The following ANKRD44 variants were observed in gnomAD, a reference collection of about 807,000 sequenced individuals.
ANKRD44 encodes ankyrin repeat domain 44.
ANKRD44 carries 35 observed loss-of-function variants against 116.0 expected under a neutral mutation model. The observed-to-expected ratio is 0.30, with a 90% CI of 0.23 to 0.40. The LOEUF is 0.40. ANKRD44 is among the 10% of genes least tolerant of loss of function. The probability of loss-of-function intolerance (pLI) is 1.00; values close to 1 mark genes in which losing one functional copy is unlikely to be tolerated. For synonymous variants in ANKRD44, 435 were observed against 461.8 expected (o/e 0.94, Z 0.74); for missense variants, 1,014 against 1,242.6 (o/e 0.82, Z 2.77).
At position 197,005,833 on chromosome 2, in the gene ANKRD44, C is replaced by T. The variant is rs2076191994; in HGVS notation, c.2208G>A (p.Gly736=). ...EVSILCKDSR[G]RTPLHYAAAR... is the part of the protein sequence containing the mutation. ...CAGCTGCATAGTGCAAGGGCGTCCTCCCTCTGGAATCTTTACAGAGAATTG... is the reference window on the plus strand; with the variant it reads ...CAGCTGCATAGTGCAAGGGCGTCCTTCCTCTGGAATCTTTACAGAGAATTG... Residue 736 remains glycine, a synonymous_variant, in exon 21 of 28, where the codon GGG becomes GGA. Transcript: ENST00000282272. 6.2e-7 allele frequency: 1 copy of T among 1,614,270 alleles called. No homozygotes were observed. Among genetic ancestry groups the T allele is most frequent in the Non-Finnish European group, 8.5e-7 (1 of 1,180,042 alleles).
rs2376297 is a variant in ANKRD44 at position 197,254,402 on chromosome 2, A to C, written c.27+56176T>G. 6.8e-3 allele frequency among the ~76,000 whole-genome samples: 1,030 copies of C among 152,136 alleles called. 11 individuals are homozygous for C. Among genetic ancestry groups the C allele is most frequent in the African/African-American group, 0.022 (898 of 41,522 alleles). Reference sequence around the variant, plus strand: ...CCATCTTAAAAAACAACAACAACAAAAAAAACTTCCAACTCCAGCCTGTAA... The same window carrying C: ...CCATCTTAAAAAACAACAACAACAACAAAAACTTCCAACTCCAGCCTGTAA... On this transcript the variant is annotated intron_variant, in intron 1 of 27. Coordinates refer to ENST00000282272, the MANE Select transcript of ANKRD44 (RefSeq NM_001195144.2).
intron 1 of ANKRD44, among the ~76,000 whole-genome samples, chr2:197,286,933 G>T (rs963652057): frequency 6.6e-5 from 10 of 152,180 alleles, no homozygotes; most frequent in African/African-American, 1.9e-4. Context: ...GTTGCCAGGG[G>T]TTAGGGGGTA....
At chr2:197,116,539 A>G (rs2078713308) in intron 8 of ANKRD44, among the ~76,000 whole-genome samples, 1 of 151,842 alleles carries the variant, frequency 6.6e-6, no homozygotes, top group Admixed American at 6.6e-5. Context: ...TGATGCCCCC[A>G]TTCTTTTTTG....
intron 1 of ANKRD44, among the ~76,000 whole-genome samples, chr2:197,282,902 T>G (rs1390064276): frequency 6.6e-6 from 1 of 152,144 alleles, no homozygotes; most frequent in Admixed American, 6.5e-5. Flanking sequence ...CCTCTCTACC[T>G]TAGTAGGCAC....
At chr2:197,284,755 G>A (rs2083362122) in intron 1 of ANKRD44, among the ~76,000 whole-genome samples, 1 of 151,662 alleles carries the variant, frequency 6.6e-6, no homozygotes, top group Non-Finnish European at 1.5e-5. Context: ...GTGTGGTGGT[G>A]TGCACCTGTA....
chr2:197,270,113 C>T (rs2082855573), intron 1 of ANKRD44, among the ~76,000 whole-genome samples: 1 of 152,032 alleles, frequency 6.6e-6, no homozygotes, highest in East Asian at 1.9e-4. Flanking sequence ...TCCAAATGTC[C>T]TCAAGGATGG....
intron 27 of ANKRD44, chr2:196,992,896 A>T (rs1035810125): frequency 6.6e-6 from 1 of 152,662 alleles, no homozygotes; most frequent in Non-Finnish European, 1.5e-5. Context: ...ATTCATAAAC[A>T]TCCAGAAGTT....
At chr2:197,274,419 C>T (rs1330773757) in intron 1 of ANKRD44, among the ~76,000 whole-genome samples, 1 of 152,218 alleles carries the variant, frequency 6.6e-6, no homozygotes, top group Non-Finnish European at 1.5e-5. Context: ...TGGCCTCCAG[C>T]TGCCAGCTCC....
intron 1 of ANKRD44, among the ~76,000 whole-genome samples, chr2:197,294,658 C>A (rs548551454): frequency 3.9e-5 from 6 of 152,156 alleles, no homozygotes; most frequent in Admixed American, 6.5e-5. Flanking sequence ...TCAGAGAGAA[C>A]CTTCTAGAAT....
At chr2:197,073,479 T>C (rs2077602733) in intron 16 of ANKRD44, among the ~76,000 whole-genome samples, 1 of 152,198 alleles carries the variant, frequency 6.6e-6, no homozygotes, top group Admixed American at 6.5e-5. Flanking sequence ...TGACCCATCA[T>C]TTCTGAGAGT....
chr2:197,208,111 G>A (rs1450864558), intron 1 of ANKRD44, among the ~76,000 whole-genome samples: 1 of 152,132 alleles, frequency 6.6e-6, no homozygotes, highest in Non-Finnish European at 1.5e-5. Flanking sequence ...CTCAAAGAGA[G>A]GTCTGAGATT....
chr2:197,288,196 A>G (rs546375820), intron 1 of ANKRD44, among the ~76,000 whole-genome samples: 1 of 152,266 alleles, frequency 6.6e-6, no homozygotes, highest in African/African-American at 2.4e-5. Flanking sequence ...TTCAAATCCA[A>G]TGAGAAACAC....
chr2:197,145,477 G>C (rs543449356), intron 3 of ANKRD44, among the ~76,000 whole-genome samples: 1 of 152,248 alleles, frequency 6.6e-6, no homozygotes, highest in Non-Finnish European at 1.5e-5. Context: ...TTGGCCCTTA[G>C]TCTGTGCCAA....
chr2:196,986,436 C>CAAAACAAAA (rs1553611535), downstream of ANKRD44, among the ~76,000 whole-genome samples: 1 of 152,030 alleles, frequency 6.6e-6, no homozygotes, highest in African/African-American at 2.4e-5. Context: ...CAAAACAAAA[C>CAAAACAAAA]CCTTTATGGA....
chr2:197,216,607 G>A (rs998186786), intron 1 of ANKRD44, among the ~76,000 whole-genome samples: 1 of 152,164 alleles, frequency 6.6e-6, no homozygotes, highest in Non-Finnish European at 1.5e-5. Context: ...TGTGGGAGGA[G>A]AGCAAGGGTG....
chr2:197,009,019 T>C lies in ANKRD44; in HGVS notation c.1937A>G (p.His646Arg), dbSNP rs1215263852. ...TAGCAACAGCCGTAAACACAGTGTG[T>C]GACCATTAATTACTGAAAAAGAAAA... ...TPLHASVING[H>R]TLCLRLLLEI... is the part of the protein sequence containing the mutation. Residue 646 changes from histidine to arginine, a missense_variant, in exon 19 of 28, where the codon CAC (histidine) becomes CGC (arginine). By Grantham distance (29) the His-to-Arg change is conservative (BLOSUM62 0). Coordinates refer to ENST00000282272, the MANE Select transcript of ANKRD44 (RefSeq NM_001195144.2). 16 of 1,614,080 alleles carry C rather than the reference T, an allele frequency of 9.9e-6. No individual in the cohort carries two copies. Among genetic ancestry groups the C allele is most frequent in the Non-Finnish European group, 1.4e-5 (16 of 1,179,926 alleles).
intron 16 of ANKRD44, 71 bp downstream of exon 16, chr2:197,078,632 C>T (rs796811038): frequency 6.4e-7 from 1 of 1,570,964 alleles, no homozygotes; most frequent in South Asian, 1.2e-5. Flanking sequence ...TGGAAAAAAA[C>T]AGTTAATGCC....
chr2:197,099,186 C>T (rs1251446825), intron 10 of ANKRD44, among the ~76,000 whole-genome samples: 1 of 152,126 alleles, frequency 6.6e-6, no homozygotes, highest in Non-Finnish European at 1.5e-5. Flanking sequence ...ATTGTCTACA[C>T]CAAACATTTG....
At chr2:197,226,760 C>T (rs1430041819) in intron 1 of ANKRD44, among the ~76,000 whole-genome samples, 1 of 152,138 alleles carries the variant, frequency 6.6e-6, no homozygotes, top group Non-Finnish European at 1.5e-5. Context: ...AAGCTGAGGC[C>T]CAGAGGTATT....
Sources: allele counts gnomAD v4.1 joint callset (sites outside exome capture counted in the v4.1 genomes callset), GRCh38; gene constraint gnomAD v4.1.1; transcripts MANE v1.5; gene names NCBI Gene and HGNC (gene_info 2026-07-23, HGNC 2026-07-21).